Variants in GABRG1 observed in about 807,000 individuals in gnomAD.
GABRG1 encodes gamma-aminobutyric acid type A receptor subunit gamma1.
In GABRG1, 49 loss-of-function variants were observed where a neutral mutation model predicts 49.8. The observed-to-expected ratio is 0.98, with a 90% CI of 0.78 to 1.25. The LOEUF (loss-of-function observed/expected upper bound fraction) is 1.25. Ranked by LOEUF, GABRG1 falls within the 50% of genes most tolerant of loss-of-function variation. The pLI is 0.00. For missense variants in GABRG1, 552 were observed against 552.3 expected, an observed-to-expected ratio of 1.00 and a Z score of 0.01; for synonymous variants, 232 against 185.1, an observed-to-expected ratio of 1.25 and a Z score of -2.06.
Position 46,058,605 on chromosome 4 carries a change from C to G in GABRG1, c.643G>C (p.Glu215Gln). 1 of 1,612,158 alleles carries G rather than the reference C, an allele frequency of 6.2e-7. No homozygotes were observed. Among genetic ancestry groups the G allele is most frequent in the Non-Finnish European group, 8.5e-7 (1 of 1,178,908 alleles). ...EFSSYGYPKN[E>Q]IEYKWKKPSV... ...GGCTTTTTCCACTTATACTCAATTT[C>G]ATTTTTAGGGTATCCATCTATAGAG... is the stretch of plus-strand genomic sequence containing the variant. The change falls in exon 6 of 9, where the codon GAA becomes CAA. Residue 215 changes from glutamate to glutamine, a missense_variant. Coordinates refer to ENST00000295452, the MANE Select transcript of GABRG1 (RefSeq NM_173536.4).
intron 1 of GABRG1, among the ~76,000 whole-genome samples, chr4:46,101,594 A>G (rs767626473): frequency 1.1e-4 from 16 of 151,730 alleles, no homozygotes; most frequent in Non-Finnish European, 2.1e-4. Context: ...CTAGGAATAC[A>G]AAGACAAATG....
chr4:46,109,119 A>G (rs541550996), intron 1 of GABRG1, among the ~76,000 whole-genome samples: 3 of 151,132 alleles, frequency 2.0e-5, no homozygotes, highest in South Asian at 2.1e-4. Context: ...TATGCCTAGT[A>G]GAATTTGGCT....
At chr4:46,057,320 T>A (rs1374381971) in intron 7 of GABRG1, among the ~76,000 whole-genome samples, 1 of 152,080 alleles carries the variant, frequency 6.6e-6, no homozygotes, top group South Asian at 2.1e-4. Context: ...ATGGAATCAT[T>A]TATAAGCTAT....
intron 3 of GABRG1, among the ~76,000 whole-genome samples, chr4:46,074,673 TGTTA>T (rs1436619258): frequency 2.6e-5 from 4 of 152,184 alleles, no homozygotes; most frequent in African/African-American, 9.6e-5. Flanking sequence ...GAGCAGCTGG[TGTTA>T]GTTCAAATTC....
chr4:46,051,667 T>C (rs370124057), intron 7 of GABRG1, 29 bp from the exon 8 acceptor site: 2 of 1,354,068 alleles, frequency 1.5e-6, no homozygotes, highest in South Asian at 1.3e-5. Flanking sequence ...AAACAGGAAA[T>C]GAAAATTAAT....
chr4:46,063,089 C>G (rs1718766298), intron 5 of GABRG1, among the ~76,000 whole-genome samples: 1 of 151,280 alleles, frequency 6.6e-6, no homozygotes, highest in Non-Finnish European at 1.5e-5. Flanking sequence ...AATGGCCATC[C>G]TGCCCAAGGT....
chr4:46,118,836 C>T (rs558894962), intron 1 of GABRG1, among the ~76,000 whole-genome samples: 1 of 151,228 alleles, frequency 6.6e-6, no homozygotes, highest in Admixed American at 6.6e-5. Flanking sequence ...AATCTACCTC[C>T]TACAGAGCCT....
chr4:46,090,933 T>TACACACACACACACACACATACAC (rs1719961588), intron 2 of GABRG1, among the ~76,000 whole-genome samples: 2 of 139,264 alleles, frequency 1.4e-5, no homozygotes, highest in Non-Finnish European at 3.1e-5. Context: ...TTCCCTGGAA[T>TACACACACACACACACACATACAC]ACACACACAC....
rs1015155898 is a variant in GABRG1 at position 46,040,277 on chromosome 4, A to G, written c.*711T>C. ...TGGTTAGATTTTACCTGATTTTTTC[A>G]TCTTGCATTCTTAAAAAATGACTGG... On this transcript the variant is annotated 3_prime_UTR_variant, in exon 9 of 9. Coordinates refer to ENST00000295452, the MANE Select transcript of GABRG1 (RefSeq NM_173536.4). 6.6e-6 allele frequency: 1 copy of G among 152,028 alleles called. No homozygotes were observed. The highest frequency in any genetic ancestry group is 2.4e-5 in the African/African-American group (1 of 41,442). 9.4% of individuals were successfully genotyped at this position (152,028 alleles called of 1,614,324 possible). A position where few individuals can be genotyped will look rare whatever the true frequency, so the allele number is the denominator to read the frequency against.
Position 46,097,105 on chromosome 4 carries a change from T to C in GABRG1, c.253+96A>G, listed in dbSNP as rs1411395601. ...AATTCAGCAGATTCTCTGACATACA[T>C]CAGACACTCAAGGAATAAGAAATAA... On this transcript the variant is annotated intron_variant, in intron 2 of 8. Coordinates refer to ENST00000295452, the MANE Select transcript of GABRG1 (RefSeq NM_173536.4). The C allele has an allele frequency of 3.0e-5, 32 of 1,076,122 alleles. No homozygotes were observed. In the East Asian group the frequency reaches 7.4e-4, roughly 25 times the overall value. 66.7% of individuals were successfully genotyped at this position (1,076,122 alleles called of 1,614,324 possible).
intron 1 of GABRG1, among the ~76,000 whole-genome samples, chr4:46,104,139 A>G (rs567795371): frequency 1.6e-4 from 24 of 151,554 alleles, no homozygotes; most frequent in African/African-American, 5.5e-4. Context: ...TAATTATTAT[A>G]TTCACATGTG....
At chr4:46,093,190 T>C (rs1029308095) in intron 2 of GABRG1, among the ~76,000 whole-genome samples, 1 of 151,796 alleles carries the variant, frequency 6.6e-6, no homozygotes, top group Non-Finnish European at 1.5e-5. Context: ...TGTTTCCTAA[T>C]GATAAAACTG....
chr4:46,096,875 A>G (rs1418407025), intron 2 of GABRG1, among the ~76,000 whole-genome samples: 2 of 151,812 alleles, frequency 1.3e-5, no homozygotes, highest in Non-Finnish European at 2.9e-5. Flanking sequence ...TTCATTATTT[A>G]TAAAAATGGT....
At chr4:46,079,656 C>T (rs2109419882) in intron 3 of GABRG1, among the ~76,000 whole-genome samples, 1 of 151,860 alleles carries the variant, frequency 6.6e-6, no homozygotes, top group African/African-American at 2.4e-5. Context: ...TTAGTGGTAG[C>T]TACTTTTGTA....
At chr4:46,052,418 G>C (rs1375081082) in intron 7 of GABRG1, among the ~76,000 whole-genome samples, 1 of 151,756 alleles carries the variant, frequency 6.6e-6, no homozygotes, top group African/African-American at 2.4e-5. Context: ...GTTTAAGTGA[G>C]GAATACTGGC....
At chr4:46,090,947 C>CACACAT (rs1332089300) in intron 2 of GABRG1, among the ~76,000 whole-genome samples, 1,522 of 119,092 alleles carry the variant, frequency 0.013, 7 homozygotes, top group Non-Finnish European at 0.017. Flanking sequence ...CACACACACA[C>CACACAT]ACACACATAC....
chr4:46,049,839 G>T (rs1374984321), intron 8 of GABRG1, among the ~76,000 whole-genome samples: 3 of 151,956 alleles, frequency 2.0e-5, no homozygotes, highest in Non-Finnish European at 4.4e-5. Flanking sequence ...CCATCCTAGA[G>T]TAGCCATGTT....
At chr4:46,071,854 AATTC>A (rs1209081254) in intron 3 of GABRG1, among the ~76,000 whole-genome samples, 1 of 152,086 alleles carries the variant, frequency 6.6e-6, no homozygotes, top group African/African-American at 2.4e-5. Context: ...TAAAATAAAA[AATTC>A]AGTAAGCTGA....
intron 8 of GABRG1, among the ~76,000 whole-genome samples, chr4:46,042,646 A>C (rs1320706822): frequency 6.6e-6 from 1 of 152,076 alleles, no homozygotes; most frequent in Non-Finnish European, 1.5e-5. Context: ...CAAAAGTTTA[A>C]AATTTCTTAC....
Sources: gnomAD v4.1 joint callset for allele counts (sites outside exome capture counted in the v4.1 genomes callset) on GRCh38, gnomAD v4.1.1 for gene constraint, MANE v1.5 for transcripts, NCBI Gene and HGNC (gene_info 2026-07-23, HGNC 2026-07-21) for gene names.